RBFOX1: variants seen among roughly 807,000 people sequenced by gnomAD.
RBFOX1 encodes the protein RNA binding protein fox-1 homolog 1.
A neutral mutation model predicts 57.7 loss-of-function variants in RBFOX1; 8 were observed. The observed-to-expected ratio is 0.14, with a 90% CI of 0.08 to 0.25. RBFOX1 has a LOEUF of 0.25. Ranked by LOEUF, RBFOX1 falls within the 10% of genes least tolerant of loss-of-function variation. The pLI, the probability that RBFOX1 is intolerant of heterozygous loss-of-function variation, is 1.00. For missense variants in RBFOX1, 611 were observed against 548.5 expected (o/e 1.11, Z -1.14); for synonymous variants, 326 against 222.4 (o/e 1.47, Z -4.15).
At chr16:6,068,491 C>T (rs543921086) in intron 1 of RBFOX1, among the ~76,000 whole-genome samples, 2 of 152,224 alleles carry the variant, frequency 1.3e-5, no homozygotes, top group African/African-American at 2.4e-5. Flanking sequence ...TAATAGGAAC[C>T]GTTTGGGGTT....
intron 1 of RBFOX1, among the ~76,000 whole-genome samples, chr16:6,198,872 A>G (rs749003626): frequency 1.1e-4 from 17 of 152,162 alleles, no homozygotes; most frequent in Non-Finnish European, 1.9e-4. Context: ...TAGAAAAAGG[A>G]AACTAAACCT....
intron 2 of RBFOX1, among the ~76,000 whole-genome samples, chr16:6,541,297 G>A (rs189418153): frequency 6.6e-5 from 10 of 152,190 alleles, no homozygotes; most frequent in African/African-American, 2.4e-4. Context: ...CCTCCCAATG[G>A]TAGAAATAGG....
At chr16:6,454,860 GTTTTTTTTTTTTTTTTTTTT>G (rs869038635) in intron 2 of RBFOX1, among the ~76,000 whole-genome samples, 10 of 15,476 alleles carry the variant, frequency 6.5e-4, no homozygotes, top group Non-Finnish European at 3.6e-4. Context: ...TCATATACAG[GTTTTTTTTTTTTTTTTTTTT>G]TTTTTTTTTT....
chr16:6,289,340 ACTGGTGATGCAAAGTATAATGCCCTT>A (rs2077223300), intron 1 of RBFOX1, among the ~76,000 whole-genome samples: 1 of 152,144 alleles, frequency 6.6e-6, no homozygotes, highest in African/African-American at 2.4e-5. Flanking sequence ...TCTACCTGTG[ACTGGTGATGCAAAGTATAATGCCCTT>A]CCCTCCCAAA....
chr16:7,203,061 C>G (rs2089027279), intron 4 of RBFOX1, among the ~76,000 whole-genome samples: 1 of 152,204 alleles, frequency 6.6e-6, no homozygotes, highest in South Asian at 2.1e-4. Flanking sequence ...GCTGGGATTA[C>G]AGGCGTGAGC....
chr16:5,528,727 G>A (rs111344223), intron 2 of RBFOX1, among the ~76,000 whole-genome samples: 2 of 150,926 alleles, frequency 1.3e-5, no homozygotes, highest in Non-Finnish European at 2.9e-5. Flanking sequence ...TCGGCTCACT[G>A]CAACCTCCAC....
chr16:7,560,513 G>A lies in RBFOX1; in HGVS notation c.271-19264G>A, dbSNP rs886348589. 2.9e-4 allele frequency among the ~76,000 whole-genome samples: 43 copies of A among 148,158 alleles called. 1 individual carries two copies. The highest frequency in any genetic ancestry group is 1.1e-3 in the African/African-American group (43 of 39,992). ...TCATCCTGCGGTGGGAACATATCTT[G>A]CATTTTTATGTAGAGTATCAAAAAA... On this transcript the variant is annotated intron_variant, in intron 5 of 15. Coordinates refer to ENST00000550418, the MANE Select transcript of RBFOX1 (RefSeq NM_018723.4).
chr16:7,653,167 T>C (rs182220716), intron 11 of RBFOX1, among the ~76,000 whole-genome samples: 1 of 152,340 alleles, frequency 6.6e-6, no homozygotes, highest in Non-Finnish European at 1.5e-5. Context: ...GGTATATGAT[T>C]GATAAGACAT....
At chr16:6,071,584 A>C (rs1279995925) in intron 1 of RBFOX1, among the ~76,000 whole-genome samples, 1 of 152,234 alleles carries the variant, frequency 6.6e-6, no homozygotes, top group African/African-American at 2.4e-5. Flanking sequence ...GCTGCAAATT[A>C]GTCTAGAGTG....
chr16:7,460,586 G>A (rs1337072194), intron 4 of RBFOX1, among the ~76,000 whole-genome samples: 2 of 150,078 alleles, frequency 1.3e-5, no homozygotes, highest in Non-Finnish European at 3.0e-5. Flanking sequence ...GTAGGAGGAT[G>A]GAAAGGATCA....
In RBFOX1 at chr16:6,227,421, A is replaced by G. The variant is rs575036260; in HGVS notation, c.-126-89574A>G. On this transcript the variant is annotated intron_variant, in intron 1 of 15. Transcript: ENST00000550418. ...TGTTCTGTGTTTGTTAGGTGTGACA[A>G]TGGGTCCATCTAGAGCAAAAACAAA... Among the ~76,000 whole-genome samples, 15 of 152,266 alleles carry G rather than the reference A, an allele frequency of 9.9e-5. No homozygotes were observed. In the South Asian group the frequency reaches 1.9e-3, roughly 19 times the overall value.
intron 1 of RBFOX1, among the ~76,000 whole-genome samples, chr16:6,149,399 G>A (rs1202939145): frequency 6.6e-6 from 1 of 152,222 alleles, no homozygotes; most frequent in Admixed American, 6.5e-5. Flanking sequence ...ATTCATTGCA[G>A]ACGCACAGGT....
At chr16:7,473,488 T>C (rs1161787737) in intron 4 of RBFOX1, among the ~76,000 whole-genome samples, 2 of 148,230 alleles carry the variant, frequency 1.3e-5, no homozygotes, top group Non-Finnish European at 3.0e-5. Flanking sequence ...TATATGTATA[T>C]ATGTTTATAT....
At chr16:7,039,282 A>T (rs76709748) in intron 3 of RBFOX1, among the ~76,000 whole-genome samples, 14,684 of 152,234 alleles carry the variant, frequency 0.096, 1,171 homozygotes, top group East Asian at 0.32. Flanking sequence ...CTTAGCCTTG[A>T]CAAGCTCTTT....
intron 3 of RBFOX1, among the ~76,000 whole-genome samples, chr16:6,767,947 T>TAATAATAAGAAGAAGAAGAAGAAG (rs1410744665): frequency 5.6e-4 from 57 of 101,030 alleles, no homozygotes; most frequent in African/African-American, 2.3e-3. Flanking sequence ...ATAATAATAA[T>TAATAATAAGAAGAAGAAGAAGAAG]AAGAAGAAGA....
chr16:5,410,702 G>T (rs1298485407), intron 1 of RBFOX1, among the ~76,000 whole-genome samples: 2 of 152,168 alleles, frequency 1.3e-5, no homozygotes, highest in Admixed American at 6.5e-5. Context: ...ATGGACTTTT[G>T]GACATGTGCA....
In RBFOX1 at chr16:6,450,561, T is replaced by G. The variant is rs375546824; in HGVS notation, c.-64+133504T>G. 4.0e-5 allele frequency among the ~76,000 whole-genome samples: 6 copies of G among 150,894 alleles called. No homozygotes were observed. The South Asian group carries it at 8.4e-4, about 21-fold the overall frequency. On this transcript the variant is annotated intron_variant, in intron 2 of 15. Transcript: ENST00000550418. ...AACATGGAGTGCTTTGAGGTTTGTG[T>G]GTGGGTATTAACTTCATTCCTGGCT...
At chr16:7,400,171 T>C (rs1351695909) in intron 4 of RBFOX1, among the ~76,000 whole-genome samples, 2 of 152,198 alleles carry the variant, frequency 1.3e-5, no homozygotes, top group African/African-American at 2.4e-5. Flanking sequence ...TGAACAATTA[T>C]GCTAGAAGTT....
intron 9 of RBFOX1, among the ~76,000 whole-genome samples, chr16:7,599,124 C>G (rs1024570355): frequency 2.0e-5 from 3 of 152,214 alleles, no homozygotes; most frequent in Non-Finnish European, 4.4e-5. Flanking sequence ...ATTTTCACAC[C>G]AGACTTTAAA....
Sources: gnomAD v4.1 joint callset for allele counts (sites outside exome capture counted in the v4.1 genomes callset) on GRCh38, gnomAD v4.1.1 for gene constraint, MANE v1.5 for transcripts, NCBI Gene and HGNC (gene_info 2026-07-23, HGNC 2026-07-21) for gene names.